The following CSTPP1 variants were observed in gnomAD, a reference collection of about 807,000 sequenced individuals.
CSTPP1 encodes the protein centriolar satellite-associated tubulin polyglutamylase complex regulator 1, also known as UPF0705 protein C11orf49.
the CSTPP1 span, among the ~76,000 whole-genome samples, chr11:47,101,349 G>A: frequency 1.3e-5 from 2 of 151,358 alleles, no homozygotes; most frequent in Non-Finnish European, 2.9e-5. Flanking sequence ...TTACAGAGAA[G>A]AGCCCTTTTA....
At chr11:47,086,299 G>T in the CSTPP1 span, among the ~76,000 whole-genome samples, 1 of 149,142 alleles carries the variant, frequency 6.7e-6, no homozygotes, top group Non-Finnish European at 1.5e-5. Flanking sequence ...CCAGCTACTT[G>T]AGAGGCTGAG....
the CSTPP1 span, among the ~76,000 whole-genome samples, chr11:47,138,419 G>C: frequency 2.0e-5 from 3 of 152,176 alleles, no homozygotes; most frequent in Admixed American, 2.0e-4. Context: ...ACCATATCAG[G>C]GGGCAAGGGT....
the CSTPP1 span, among the ~76,000 whole-genome samples, chr11:46,939,814 A>T: frequency 6.6e-6 from 1 of 152,100 alleles, no homozygotes; most frequent in Admixed American, 6.6e-5. Flanking sequence ...AAAGGAGTAT[A>T]CAGTGCATAC....
chr11:47,135,802 G>A, the CSTPP1 span, among the ~76,000 whole-genome samples: 1 of 152,146 alleles, frequency 6.6e-6, no homozygotes, highest in African/African-American at 2.4e-5. Flanking sequence ...ATTTTTAAGA[G>A]CTTTTGTTGT....
At chr11:47,043,619 T>C in the CSTPP1 span, among the ~76,000 whole-genome samples, 1 of 152,114 alleles carries the variant, frequency 6.6e-6, no homozygotes, top group Non-Finnish European at 1.5e-5. Flanking sequence ...TGAGGAACAC[T>C]GATGTTGAGA....
the CSTPP1 span, among the ~76,000 whole-genome samples, chr11:47,024,769 T>C: frequency 6.6e-6 from 1 of 152,138 alleles, no homozygotes; most frequent in Non-Finnish European, 1.5e-5. Flanking sequence ...TTCAAAAATT[T>C]TGTGGTACCT....
the CSTPP1 span, among the ~76,000 whole-genome samples, chr11:47,094,305 G>T: frequency 6.6e-6 from 1 of 152,176 alleles, no homozygotes; most frequent in African/African-American, 2.4e-5. Flanking sequence ...TGGTTTCCAG[G>T]GATTGGGGAA....
At chr11:46,984,415 A>G in the CSTPP1 span, among the ~76,000 whole-genome samples, 1 of 152,240 alleles carries the variant, frequency 6.6e-6, no homozygotes, top group Non-Finnish European at 1.5e-5. Context: ...TATCTGTCAC[A>G]TTGTTGTTTA....
At chr11:47,149,911 T>G in the CSTPP1 span, among the ~76,000 whole-genome samples, 2 of 151,848 alleles carry the variant, frequency 1.3e-5, no homozygotes, top group African/African-American at 2.4e-5. Context: ...AATACACATC[T>G]CATTCCTTTA....
chr11:47,157,236 AGCCCCCAGCCCCC>A, the CSTPP1 span: 1 of 1,539,428 alleles, frequency 6.5e-7, no homozygotes, highest in South Asian at 1.3e-5. Flanking sequence ...ACGGGCATGC[AGCCCCCAGCCCCC>A]CAGCCCCAGG....
chr11:47,041,539 T>C, the CSTPP1 span: 1 of 390,596 alleles, frequency 2.6e-6, no homozygotes, highest in Non-Finnish European at 5.2e-6. Context: ...GTTCATGCCC[T>C]TCACCAGCCT....
At chr11:47,031,331 G>A in the CSTPP1 span, among the ~76,000 whole-genome samples, 1 of 152,122 alleles carries the variant, frequency 6.6e-6, no homozygotes. Flanking sequence ...GTTTACAAAT[G>A]TCTGATTATA....
At chr11:47,157,729 G>A in the CSTPP1 span, 31 of 1,359,410 alleles carry the variant, frequency 2.3e-5, no homozygotes, top group Non-Finnish European at 3.2e-5. Context: ...CTTGGCTGTG[G>A]GTATCCTCAT....
chr11:47,161,031 C>T, the CSTPP1 span: 2 of 1,515,742 alleles, frequency 1.3e-6, no homozygotes, highest in Non-Finnish European at 1.8e-6. Flanking sequence ...GCAGGGTCAG[C>T]AGAACAGGCA....
At chr11:47,159,288 T>C in the CSTPP1 span, among the ~76,000 whole-genome samples, 1 of 151,896 alleles carries the variant, frequency 6.6e-6, no homozygotes, top group African/African-American at 2.4e-5. Flanking sequence ...GGCAGGTGGA[T>C]CACCTAAGGT....
At chr11:46,971,393 T>C in the CSTPP1 span, among the ~76,000 whole-genome samples, 1 of 152,210 alleles carries the variant, frequency 6.6e-6, no homozygotes. Flanking sequence ...GGATGTAATA[T>C]AATCTGGTGT....
the CSTPP1 span, chr11:47,052,668 C>T: frequency 9.1e-7 from 1 of 1,093,660 alleles, no homozygotes; most frequent in Non-Finnish European, 1.3e-6. Context: ...TGTTTGAATG[C>T]ATGCTATTCA....
the CSTPP1 span, among the ~76,000 whole-genome samples, chr11:47,141,758 A>G: frequency 6.6e-6 from 1 of 151,340 alleles, no homozygotes; most frequent in Non-Finnish European, 1.5e-5. Context: ...ACATGGTGAA[A>G]CCTGTCTCTA....
chr11:46,990,414 CAT>C, the CSTPP1 span, among the ~76,000 whole-genome samples: 8 of 152,114 alleles, frequency 5.3e-5, no homozygotes, highest in East Asian at 5.8e-4. Flanking sequence ...AGCATTTTTT[CAT>C]ATGTTTCTTG....
Sources: allele counts gnomAD v4.1 joint callset (sites outside exome capture counted in the v4.1 genomes callset), GRCh38; gene constraint gnomAD v4.1.1; transcripts MANE v1.5; gene names NCBI Gene and HGNC (gene_info 2026-07-23, HGNC 2026-07-21).